Variants in ADAMTSL3 observed in about 807,000 individuals in gnomAD.
ADAMTSL3 encodes the protein ADAMTS like 3, also known as ADAMTS-like protein 3.
Under a neutral mutation model 201.7 loss-of-function variants are expected in ADAMTSL3, and 128 were observed. That is an observed-to-expected ratio of 0.63 (90% CI 0.55 to 0.73). ADAMTSL3 has a LOEUF of 0.73. ADAMTSL3 is among the 30% of genes least tolerant of loss of function. The pLI is 0.00. For synonymous variants in ADAMTSL3, 738 were observed against 748.4 expected (o/e 0.99, Z 0.23); for missense variants, 1,990 against 2,119.6 (o/e 0.94, Z 1.20).
chr15:83,838,674 A>AT (rs1335088991), intron 7 of ADAMTSL3, among the ~76,000 whole-genome samples: 1 of 151,866 alleles, frequency 6.6e-6, no homozygotes, highest in Non-Finnish European at 1.5e-5. Context: ...CAATACTAAC[A>AT]TTTTTTCTGT....
intron 3 of ADAMTSL3, among the ~76,000 whole-genome samples, chr15:83,711,076 A>T (rs984159706): frequency 4.6e-5 from 7 of 152,184 alleles, no homozygotes; most frequent in Non-Finnish European, 8.8e-5. Flanking sequence ...AACTTCTTTT[A>T]AATGCCTTTT....
intron 3 of ADAMTSL3, among the ~76,000 whole-genome samples, chr15:83,768,851 A>G (rs764008052): frequency 5.3e-5 from 8 of 152,188 alleles, no homozygotes; most frequent in Admixed American, 1.3e-4. Context: ...TATTATTGCT[A>G]TTACTCTCCA....
intron 4 of ADAMTSL3, among the ~76,000 whole-genome samples, chr15:83,796,022 T>C (rs559939949): frequency 9.2e-5 from 14 of 152,136 alleles, no homozygotes; most frequent in Non-Finnish European, 1.6e-4. Flanking sequence ...GTTAATAAAA[T>C]GAATACTTAC....
At chr15:83,716,386 A>T (rs746329506) in intron 3 of ADAMTSL3, among the ~76,000 whole-genome samples, 2 of 151,762 alleles carry the variant, frequency 1.3e-5, no homozygotes, top group Non-Finnish European at 2.9e-5. Flanking sequence ...GCATGGCGGC[A>T]GGCGCCTGTA....
intron 4 of ADAMTSL3, among the ~76,000 whole-genome samples, chr15:83,777,317 C>T (rs980165713): frequency 6.6e-6 from 1 of 152,168 alleles, no homozygotes; most frequent in African/African-American, 2.4e-5. Flanking sequence ...AGTATGGATC[C>T]CACTGTCATC....
chr15:83,707,951 A>T (rs888497834), intron 3 of ADAMTSL3, among the ~76,000 whole-genome samples: 8 of 152,230 alleles, frequency 5.3e-5, no homozygotes, highest in African/African-American at 1.9e-4. Flanking sequence ...AAGATTTCAT[A>T]CCTGGGGAAA....
intron 9 of ADAMTSL3, among the ~76,000 whole-genome samples, chr15:83,880,745 T>A (rs1486298505): frequency 6.6e-6 from 1 of 152,218 alleles, no homozygotes; most frequent in Non-Finnish European, 1.5e-5. Context: ...ATACTTATGT[T>A]ATAATCATAG....
chr15:83,842,678 G>A (rs534273750), intron 7 of ADAMTSL3, among the ~76,000 whole-genome samples: 9 of 152,338 alleles, frequency 5.9e-5, no homozygotes, highest in South Asian at 2.1e-4. Flanking sequence ...GGAGGAAAAC[G>A]TTGAAAGTGT....
chr15:83,735,651 C>T (rs2062358388), intron 3 of ADAMTSL3, among the ~76,000 whole-genome samples: 1 of 151,698 alleles, frequency 6.6e-6, no homozygotes, highest in East Asian at 1.9e-4. Context: ...TTGGTAATCT[C>T]ACTAACTTCA....
chr15:83,700,593 G>A (rs183472891), intron 2 of ADAMTSL3, among the ~76,000 whole-genome samples: 5 of 152,112 alleles, frequency 3.3e-5, no homozygotes, highest in East Asian at 1.9e-4. Flanking sequence ...GTGAAACCCC[G>A]TCTCTACTAA....
At chr15:84,003,925 GGGGAC>G (rs2067845779) in intron 23 of ADAMTSL3, among the ~76,000 whole-genome samples, 1 of 152,128 alleles carries the variant, frequency 6.6e-6, no homozygotes, top group African/African-American at 2.4e-5. Context: ...CACACAGGGT[GGGGAC>G]TGAGGGAAAG....
intron 4 of ADAMTSL3, among the ~76,000 whole-genome samples, chr15:83,801,660 A>ATATATATATT (rs2063521937): frequency 2.4e-5 from 1 of 41,912 alleles, no homozygotes; most frequent in Admixed American, 2.8e-4. Context: ...AAATATATAT[A>ATATATATATT]TATATATATA....
intron 5 of ADAMTSL3, among the ~76,000 whole-genome samples, chr15:83,816,774 G>A (rs908758833): frequency 1.3e-5 from 2 of 152,196 alleles, no homozygotes; most frequent in African/African-American, 4.8e-5. Flanking sequence ...GGGAGGCCAA[G>A]GCAGGCAGAT....
chr15:83,819,842 C>G lies in ADAMTSL3; in HGVS notation c.395C>G (p.Ala132Gly), dbSNP rs2063831794. ...CCTCCAGATGCAGAAGATTTCAGAG[C>G]CCAGCAGTGCTCAGCCTACAATGAT... ...DCPPDAEDFR[A>G]QQCSAYNDVQ... The change falls in exon 6 of 30, where the codon GCC becomes GGC. Residue 132 changes from alanine to glycine, a missense_variant. Physicochemically the swap from Ala to Gly is moderately conservative, Grantham distance 60 (BLOSUM62 0). Coordinates refer to ENST00000286744, the MANE Select transcript of ADAMTSL3 (RefSeq NM_207517.3). 1 of 1,613,854 alleles carries G rather than the reference C, an allele frequency of 6.2e-7. No homozygotes were observed. Among genetic ancestry groups the G allele is most frequent in the Non-Finnish European group, 8.5e-7 (1 of 1,180,040 alleles).
At chr15:83,850,358 T>A (rs1245415782) in intron 7 of ADAMTSL3, among the ~76,000 whole-genome samples, 3 of 151,866 alleles carry the variant, frequency 2.0e-5, no homozygotes, top group Non-Finnish European at 4.4e-5. Flanking sequence ...GACCAGCGGG[T>A]CTCTTCCCAT....
At chr15:83,890,077 A>G in intron 10 of ADAMTSL3, 32 bp from the exon 11 acceptor site, 1 of 1,581,668 alleles carries the variant, frequency 6.3e-7, no homozygotes, top group Non-Finnish European at 8.6e-7. Flanking sequence ...AAACGGATGC[A>G]ATATTCAGAC....
chr15:83,668,002 C>G (rs2061272081), intron 2 of ADAMTSL3, among the ~76,000 whole-genome samples: 1 of 152,064 alleles, frequency 6.6e-6, no homozygotes, highest in African/African-American at 2.4e-5. Flanking sequence ...ATAGGATTAA[C>G]CAAACACCAA....
rs1567093231 is a variant in ADAMTSL3 at position 83,714,859 on chromosome 15, TCCCTCCCTCC to T, written c.189+10353_189+10362del. On this transcript the variant is annotated intron_variant, in intron 3 of 29. Transcript: ENST00000286744. ...CTTTCTTTCTCTCTCTTTCCCTCCC[TCCCTCCCTCC>T]CTCCCTCCCTTCCTTCCTTCCTTCC... 7.9e-4 allele frequency among the ~76,000 whole-genome samples: 33 copies of T among 41,810 alleles called. 1 individual carries two copies. Among genetic ancestry groups the T allele is most frequent in the South Asian group, 2.2e-3 (1 of 456 alleles). 27.4% of individuals were successfully genotyped at this position (41,810 alleles called of 152,430 possible). A position where few individuals can be genotyped will look rare whatever the true frequency, so the allele number is the denominator to read the frequency against.
chr15:83,748,251 G>A (rs2062579965), intron 3 of ADAMTSL3, among the ~76,000 whole-genome samples: 1 of 152,170 alleles, frequency 6.6e-6, no homozygotes, highest in African/African-American at 2.4e-5. Flanking sequence ...ATTAGTTGAA[G>A]TGGATCGTCA....
Sources: gnomAD v4.1 joint callset for allele counts (sites outside exome capture counted in the v4.1 genomes callset) on GRCh38, gnomAD v4.1.1 for gene constraint, MANE v1.5 for transcripts, NCBI Gene and HGNC (gene_info 2026-07-23, HGNC 2026-07-21) for gene names.